Variants in SLC9D1 observed in about 807,000 individuals in gnomAD.
SLC9D1 encodes solute carrier family 9 member D1.
the SLC9D1 span, chr13:113,534,051 C>T: frequency 9.4e-6 from 15 of 1,601,896 alleles, no homozygotes; most frequent in African/African-American, 1.4e-5. Flanking sequence ...CCAGCATTGT[C>T]GTGGAAGTTC....
chr13:113,529,813 G>A, the SLC9D1 span: 32 of 152,284 alleles, frequency 2.1e-4, no homozygotes, highest in African/African-American at 7.2e-4. Flanking sequence ...CGGTGGTGAT[G>A]GGGGTACAAC....
the SLC9D1 span, chr13:113,520,495 A>T: frequency 1.4e-6 from 1 of 703,490 alleles, no homozygotes; most frequent in South Asian, 2.2e-5. Context: ...AAAAAAAAAA[A>T]AAAAAAAGTA....
the SLC9D1 span, chr13:113,498,761 T>G: frequency 5.4e-6 from 2 of 371,576 alleles, no homozygotes; most frequent in South Asian, 6.0e-5. Flanking sequence ...CTTGTCTGCA[T>G]TTTCCAGAGG....
the SLC9D1 span, among the ~76,000 whole-genome samples, chr13:113,540,886 T>G: frequency 6.6e-6 from 1 of 152,194 alleles, no homozygotes; most frequent in Admixed American, 6.5e-5. Flanking sequence ...GACTTGATTT[T>G]TGTATGTGGT....
chr13:113,528,078 A>G, the SLC9D1 span: 1 of 151,922 alleles, frequency 6.6e-6, no homozygotes, highest in Admixed American at 6.6e-5. Flanking sequence ...GGCCTTTTGA[A>G]GCGTTTTAGT....
At chr13:113,523,584 G>T in the SLC9D1 span, among the ~76,000 whole-genome samples, 7 of 152,094 alleles carry the variant, frequency 4.6e-5, no homozygotes, top group African/African-American at 1.7e-4. Flanking sequence ...CAAAGAATTC[G>T]TTCCTTGTTT....
At chr13:113,548,536 G>T in the SLC9D1 span, 13 of 1,467,748 alleles carry the variant, frequency 8.9e-6, no homozygotes, top group Non-Finnish European at 1.1e-5. Context: ...AAGGCGGCTC[G>T]GCAGCACAGC....
At chr13:113,547,481 C>A in the SLC9D1 span, 1 of 913,354 alleles carries the variant, frequency 1.1e-6, no homozygotes, top group South Asian at 1.4e-5. Context: ...CCTGCAGAGC[C>A]GGCCCTGCTC....
At chr13:113,520,812 A>G in the SLC9D1 span, 4 of 1,063,076 alleles carry the variant, frequency 3.8e-6, no homozygotes, top group South Asian at 1.3e-5. Flanking sequence ...TACCTTTTCC[A>G]AAGAGATGTT....
the SLC9D1 span, among the ~76,000 whole-genome samples, chr13:113,519,592 C>T: frequency 3.3e-5 from 5 of 152,198 alleles, no homozygotes; most frequent in African/African-American, 9.7e-5. Flanking sequence ...CCTCGTGAGC[C>T]GGTGTTTGTC....
chr13:113,495,494 T>C, the SLC9D1 span: 2 of 925,552 alleles, frequency 2.2e-6, no homozygotes, highest in Non-Finnish European at 3.3e-6. Context: ...ACAATAACTC[T>C]TTTTCAGCTG....
At chr13:113,535,891 A>G in the SLC9D1 span, among the ~76,000 whole-genome samples, 1 of 151,398 alleles carries the variant, frequency 6.6e-6, no homozygotes, top group Admixed American at 6.6e-5. The surrounding 1 kb of genome is among the most constrained non-coding windows in gnomAD (Gnocchi z 4.1). Context: ...CTGTGTCTAT[A>G]TCGGCACCTG....
At chr13:113,547,929 C>T in the SLC9D1 span, among the ~76,000 whole-genome samples, 1 of 118,492 alleles carries the variant, frequency 8.4e-6, no homozygotes, top group African/African-American at 3.9e-5. Context: ...ACCACCAGCT[C>T]TTAGCTGCTC....
chr13:113,495,700 G>C, the SLC9D1 span: 1 of 1,612,884 alleles, frequency 6.2e-7, no homozygotes, highest in Non-Finnish European at 8.5e-7. Context: ...CGCGGGCGAG[G>C]GGTGGCTGCC....
the SLC9D1 span, chr13:113,528,559 G>A: frequency 2.0e-5 from 3 of 152,332 alleles, no homozygotes; most frequent in Non-Finnish European, 4.4e-5. Flanking sequence ...TGCAAGCCCT[G>A]GCAGCTTTCT....
At chr13:113,548,247 G>A in the SLC9D1 span, 203 of 1,597,498 alleles carry the variant, frequency 1.3e-4, 2 homozygotes, top group East Asian at 3.9e-3. Flanking sequence ...TTTCGTGTGT[G>A]TTTAACTCTG....
chr13:113,521,477 A>G, the SLC9D1 span, among the ~76,000 whole-genome samples: 8 of 142,908 alleles, frequency 5.6e-5, no homozygotes, highest in East Asian at 2.1e-4. Flanking sequence ...CCACGTGTGC[A>G]TATGTGGGGT....
the SLC9D1 span, among the ~76,000 whole-genome samples, chr13:113,507,134 T>C: frequency 6.6e-5 from 10 of 152,042 alleles, no homozygotes; most frequent in African/African-American, 2.2e-4. Flanking sequence ...GTCTTGGCGC[T>C]GACGAGGGTC....
the SLC9D1 span, among the ~76,000 whole-genome samples, chr13:113,531,955 C>T: frequency 1.3e-5 from 2 of 152,182 alleles, no homozygotes; most frequent in East Asian, 3.9e-4. Flanking sequence ...GGTCCTGGAG[C>T]CAGATACCTG....
Sources: allele counts gnomAD v4.1 joint callset (sites outside exome capture counted in the v4.1 genomes callset), GRCh38; gene constraint gnomAD v4.1.1; non-coding constraint Gnocchi (gnomAD v3.1); transcripts MANE v1.5; gene names NCBI Gene and HGNC (gene_info 2026-07-23, HGNC 2026-07-21).